TAF3: variants seen among roughly 807,000 people sequenced by gnomAD.
TAF3 encodes TATA-box binding protein associated factor 3.
In TAF3, 7 loss-of-function variants were observed where a neutral mutation model predicts 80.6. That is an observed-to-expected ratio of 0.09 (90% CI 0.05 to 0.16). The LOEUF (loss-of-function observed/expected upper bound fraction) is 0.16. Among genes scored for constraint, TAF3 ranks in the 10% least tolerant of loss-of-function variants. TAF3 has a pLI of 1.00. For missense variants in TAF3, 921 were observed against 1,140.2 expected, an observed-to-expected ratio of 0.81 and a Z score of 2.77; for synonymous variants, 444 against 446.1, an observed-to-expected ratio of 1.00 and a Z score of 0.06.
intron 2 of TAF3, among the ~76,000 whole-genome samples, chr10:7,939,507 A>G (rs879631352): frequency 1.3e-5 from 2 of 151,856 alleles, no homozygotes; most frequent in Non-Finnish European, 2.9e-5. Flanking sequence ...CCAGAAATGA[A>G]AGGTATCCCA....
intron 2 of TAF3, among the ~76,000 whole-genome samples, chr10:7,841,939 A>G (rs1836916992): frequency 6.6e-6 from 1 of 152,132 alleles, no homozygotes; most frequent in Non-Finnish European, 1.5e-5. Context: ...CCTCGTACCC[A>G]GGGCAGACTT....
chr10:8,014,287 C>G (rs1210080112), intron 6 of TAF3, among the ~76,000 whole-genome samples: 2 of 152,190 alleles, frequency 1.3e-5, no homozygotes, highest in African/African-American at 4.8e-5. Flanking sequence ...AGAATTTATG[C>G]AGATAATCTC....
At chr10:7,894,572 G>T (rs1837489026) in intron 2 of TAF3, among the ~76,000 whole-genome samples, 1 of 152,162 alleles carries the variant, frequency 6.6e-6, no homozygotes, top group Non-Finnish European at 1.5e-5. Flanking sequence ...GTCATTGTTT[G>T]AAGTTGGAAT....
chr10:7,970,525 G>T (rs2131416228), intron 3 of TAF3, among the ~76,000 whole-genome samples: 1 of 152,316 alleles, frequency 6.6e-6, no homozygotes, highest in South Asian at 2.1e-4. Context: ...ACTTACCTCA[G>T]TCTGCTTTGG....
intron 2 of TAF3, among the ~76,000 whole-genome samples, chr10:7,901,768 C>A (rs1056740964): frequency 2.0e-5 from 3 of 152,114 alleles, no homozygotes; most frequent in Non-Finnish European, 4.4e-5. Context: ...GTATTAAAAG[C>A]ACTTTACAGC....
intron 2 of TAF3, among the ~76,000 whole-genome samples, chr10:7,910,836 T>C (rs568082284): frequency 1.3e-4 from 20 of 152,318 alleles, no homozygotes; most frequent in Non-Finnish European, 2.4e-4. Flanking sequence ...CCAGACTAGA[T>C]TTTTTAAAAA....
At chr10:7,919,816 A>T (rs1238976910) in intron 2 of TAF3, among the ~76,000 whole-genome samples, 2 of 152,188 alleles carry the variant, frequency 1.3e-5, no homozygotes, top group African/African-American at 4.8e-5. Flanking sequence ...TGTGGAACCC[A>T]CACATACGGA....
chr10:7,857,282 T>G (rs529468739), intron 2 of TAF3, among the ~76,000 whole-genome samples: 42 of 152,374 alleles, frequency 2.8e-4, no homozygotes, highest in African/African-American at 9.6e-4. Context: ...AGCTCACTTA[T>G]AAATGTAATC....
intron 3 of TAF3, among the ~76,000 whole-genome samples, chr10:7,966,178 C>A (rs995054833): frequency 6.6e-5 from 10 of 152,244 alleles, no homozygotes; most frequent in Admixed American, 5.9e-4. Context: ...GACAGCAAGG[C>A]CCGTGGAAGG....
intron 2 of TAF3, among the ~76,000 whole-genome samples, chr10:7,920,320 G>GTGTGTGTGTA (rs917260483): frequency 5.9e-5 from 2 of 33,862 alleles, no homozygotes; most frequent in African/African-American, 5.7e-5. Context: ...GTGTGTGTGT[G>GTGTGTGTGTA]TGTGTGTGTG....
At chr10:7,973,917 C>G (rs1245292946) in intron 3 of TAF3, among the ~76,000 whole-genome samples, 1 of 152,132 alleles carries the variant, frequency 6.6e-6, no homozygotes, top group African/African-American at 2.4e-5. Flanking sequence ...ATCACGAGAT[C>G]AGGAGTTTGA....
chr10:7,859,416 C>T (rs549711666), intron 2 of TAF3, among the ~76,000 whole-genome samples: 1 of 152,298 alleles, frequency 6.6e-6, no homozygotes, highest in African/African-American at 2.4e-5. Flanking sequence ...TTTCTGAAAT[C>T]ATCTGACATG....
At chr10:7,819,694 A>G (rs765815986) in intron 1 of TAF3, among the ~76,000 whole-genome samples, 6 of 152,190 alleles carry the variant, frequency 3.9e-5, no homozygotes, top group Non-Finnish European at 5.9e-5. Context: ...GAAGCATTGT[A>G]TGTGTGTTTG....
intron 4 of TAF3, among the ~76,000 whole-genome samples, chr10:7,978,257 T>C (rs1735002720): frequency 6.6e-6 from 1 of 152,186 alleles, no homozygotes; most frequent in Non-Finnish European, 1.5e-5. Context: ...CATGAATTTA[T>C]TTAGTAGAGA....
chr10:7,946,456 G>C (rs1838025288), intron 2 of TAF3, among the ~76,000 whole-genome samples: 1 of 152,210 alleles, frequency 6.6e-6, no homozygotes, highest in Non-Finnish European at 1.5e-5. Flanking sequence ...AGGCACCATG[G>C]CTCATGCCTG....
chr10:8,013,062 A>T (rs1389771800), intron 5 of TAF3, among the ~76,000 whole-genome samples: 1 of 152,230 alleles, frequency 6.6e-6, no homozygotes. Context: ...TCTAGAGTAC[A>T]CAATATTTGT....
chr10:7,871,460 T>TTTTTTTTTA (rs1837265584), intron 2 of TAF3, among the ~76,000 whole-genome samples: 1 of 83,384 alleles, frequency 1.2e-5, no homozygotes, highest in African/African-American at 4.4e-5. Context: ...TTTTTTTTTT[T>TTTTTTTTTA]GAGACGGAGT....
chr10:8,000,596 G>A (rs150988399), intron 4 of TAF3, among the ~76,000 whole-genome samples: 9 of 151,684 alleles, frequency 5.9e-5, no homozygotes, highest in East Asian at 2.0e-4. Context: ...GCAAAACCCC[G>A]TCTCTACACA....
chr10:7,829,344 C>G (rs1482051892), intron 2 of TAF3, among the ~76,000 whole-genome samples: 1 of 152,156 alleles, frequency 6.6e-6, no homozygotes, highest in Non-Finnish European at 1.5e-5. Context: ...GACGCCCGCA[C>G]TGTATTGACA....
Sources: gnomAD v4.1 joint callset for allele counts (sites outside exome capture counted in the v4.1 genomes callset) on GRCh38, gnomAD v4.1.1 for gene constraint, MANE v1.5 for transcripts, NCBI Gene and HGNC (gene_info 2026-07-23, HGNC 2026-07-21) for gene names.